Variants in ZMYND11 observed in about 807,000 individuals in gnomAD.
ZMYND11 encodes the protein zinc finger MYND-type containing 11, also known as zinc finger MYND domain-containing protein 11.
A neutral mutation model predicts 84.9 loss-of-function variants in ZMYND11; 9 were observed. The ratio of observed to expected loss-of-function variants is 0.11; its 90% CI spans 0.06 to 0.18. The LOEUF (loss-of-function observed/expected upper bound fraction) is 0.18. ZMYND11 is among the 10% of genes least tolerant of loss of function. The pLI is 1.00. For synonymous variants in ZMYND11, 250 were observed against 244.1 expected, an observed-to-expected ratio of 1.02 and a Z score of -0.23; for missense variants, 409 against 761.0, an observed-to-expected ratio of 0.54 and a Z score of 5.44.
chr10:224,662 T>A (rs1244782429), intron 4 of ZMYND11, among the ~76,000 whole-genome samples: 1 of 152,218 alleles, frequency 6.6e-6, no homozygotes, highest in East Asian at 1.9e-4. Context: ...TTTGTTTGTA[T>A]CTGTATCCAC....
chr10:194,241 C>T (rs1168894963), intron 2 of ZMYND11, among the ~76,000 whole-genome samples: 1 of 150,786 alleles, frequency 6.6e-6, no homozygotes, highest in Non-Finnish European at 1.5e-5. Context: ...CTACCCACCT[C>T]AGCCTCCCAA....
At position 135,524 on chromosome 10, in the gene ZMYND11, C is replaced by T. The variant is rs1291232062; in HGVS notation, c.-55C>T. Reference sequence around the variant, plus strand: ...CGGCACCGGAGGGGAGGGCCGGGCGCGGCGGCGGCGGCGGTGGAGGAGCCG... The same window carrying T: ...CGGCACCGGAGGGGAGGGCCGGGCGTGGCGGCGGCGGCGGTGGAGGAGCCG... On this transcript the variant is annotated 5_prime_UTR_variant, in exon 1 of 15. Transcript: ENST00000381604. This position sits in a 1 kb window ranked among gnomAD's most constrained non-coding sequence, Gnocchi z 5.6. 31 of 150,938 alleles carry T rather than the reference C, an allele frequency of 2.1e-4. No individual in the cohort carries two copies. The highest frequency in any genetic ancestry group is 3.5e-3 in the Middle Eastern group (1 of 282). The allele number at this position is 150,938 out of a possible 1,614,324, so 9.3% of individuals were successfully genotyped here.
intron 1 of ZMYND11, among the ~76,000 whole-genome samples, chr10:168,349 A>T (rs1306251897): frequency 6.6e-6 from 1 of 152,094 alleles, no homozygotes; most frequent in Non-Finnish European, 1.5e-5. Flanking sequence ...GCATGGTGGT[A>T]TGTGTACCTG....
At chr10:206,837 T>C (rs943350513) in intron 2 of ZMYND11, among the ~76,000 whole-genome samples, 3 of 152,088 alleles carry the variant, frequency 2.0e-5, no homozygotes, top group African/African-American at 7.2e-5. Context: ...TTTTTATTTT[T>C]TTAATTTTTT....
chr10:247,579 A>G, intron 12 of ZMYND11, 113 bp downstream of exon 12: 1 of 1,136,574 alleles, frequency 8.8e-7, no homozygotes, highest in South Asian at 1.4e-5. Context: ...GATACTTGTG[A>G]AATTCAGCTG....
chr10:205,360 G>C (rs1943936647), intron 2 of ZMYND11, among the ~76,000 whole-genome samples: 1 of 152,104 alleles, frequency 6.6e-6, no homozygotes. Flanking sequence ...CTGTGAATTA[G>C]ATTAGGTAAT....
intron 4 of ZMYND11, 112 bp downstream of exon 4, chr10:221,468 G>A: frequency 9.6e-7 from 1 of 1,041,148 alleles, no homozygotes; most frequent in Non-Finnish European, 1.4e-6. Flanking sequence ...AGGACTGGAG[G>A]GTGGGGGTTA....
rs191176775 is a variant in ZMYND11 at position 177,937 on chromosome 10, T to G, written c.-19-2057T>G. Among the ~76,000 whole-genome samples, 460 of 152,326 alleles carry G rather than the reference T, an allele frequency of 3.0e-3. No individual in the cohort carries two copies. In the Middle Eastern group the frequency reaches 0.031, roughly 10 times the overall value. ...TCCTTTGTGCTTTGGTTGTTATATA[T>G]TTTATTTCTACGTGTGTTATAAGCC... On this transcript the variant is annotated intron_variant, in intron 1 of 14. Coordinates refer to ENST00000381604, the MANE Select transcript of ZMYND11 (RefSeq NM_001370100.5).
At chr10:161,981 C>T (rs1843030430) in intron 1 of ZMYND11, among the ~76,000 whole-genome samples, 1 of 152,152 alleles carries the variant, frequency 6.6e-6, no homozygotes, top group East Asian at 1.9e-4. Context: ...CTTAAGAGGC[C>T]CAGCTTTCCG....
chr10:137,404 C>G (rs1480411138), intron 1 of ZMYND11, among the ~76,000 whole-genome samples: 1 of 152,160 alleles, frequency 6.6e-6, no homozygotes, highest in African/African-American at 2.4e-5. Flanking sequence ...CCACAGTAAG[C>G]TGAGTCATAT....
intron 1 of ZMYND11, among the ~76,000 whole-genome samples, chr10:169,484 G>A (rs1297684259): frequency 6.6e-6 from 1 of 152,092 alleles, no homozygotes; most frequent in Non-Finnish European, 1.5e-5. Flanking sequence ...CAGGAATGTT[G>A]GAATAATCAG....
chr10:214,072 GC>G (rs1475852241), intron 3 of ZMYND11, among the ~76,000 whole-genome samples: 1 of 152,066 alleles, frequency 6.6e-6, no homozygotes, highest in African/African-American at 2.4e-5. Context: ...CTTTTGGACT[GC>G]AGTTATTTTA....
intron 1 of ZMYND11, among the ~76,000 whole-genome samples, chr10:160,652 C>A (rs1272629804): frequency 6.6e-6 from 1 of 152,194 alleles, no homozygotes; most frequent in East Asian, 1.9e-4. Flanking sequence ...ATGGAATATT[C>A]TGAAACCTGT....
Position 242,036 on chromosome 10 carries a change from C to A in ZMYND11, c.847C>A (p.Leu283Met). 6.2e-7 allele frequency: 1 copy of A among 1,613,874 alleles called. No homozygotes were observed. The highest frequency in any genetic ancestry group is 8.5e-7 in the Non-Finnish European group (1 of 1,179,954). Residue 283 changes from leucine (L) to methionine (M), a missense_variant, in exon 10 of 15, where the codon CTG becomes ATG. Transcript: ENST00000381604. The stretch of plus-strand genomic sequence containing the variant: ...TAATTTCCAGATACCTAATCATGAG[C>A]TGGTTTGGGCTAAAATGAAAGGTTT... ...FCYPCIPNHE[L>M]VWAKMKGFGF...
At chr10:217,284 AG>A (rs768544744) in intron 3 of ZMYND11, among the ~76,000 whole-genome samples, 1 of 152,132 alleles carries the variant, frequency 6.6e-6, no homozygotes, top group African/African-American at 2.4e-5. Context: ...CTGTAATCCT[AG>A]CACTTTGGGC....
chr10:152,146 A>C (rs1466008135), intron 1 of ZMYND11, among the ~76,000 whole-genome samples: 1 of 152,226 alleles, frequency 6.6e-6, no homozygotes, highest in Non-Finnish European at 1.5e-5. Context: ...GCTAGGAAGA[A>C]ACTGCATTAA....
chr10:236,737 C>T, intron 4 of ZMYND11, 101 bp from the exon 5 acceptor site: 2 of 1,003,416 alleles, frequency 2.0e-6, no homozygotes, highest in Non-Finnish European at 2.9e-6. Context: ...TTAGTAAACT[C>T]TTTGCATACT....
intron 3 of ZMYND11, among the ~76,000 whole-genome samples, chr10:211,307 T>C (rs1356729862): frequency 6.6e-6 from 1 of 152,110 alleles, no homozygotes; most frequent in African/African-American, 2.4e-5. Flanking sequence ...TCTCTTTCTA[T>C]AGATTGAGTT....
intron 2 of ZMYND11, among the ~76,000 whole-genome samples, chr10:196,199 C>G (rs1238150491): frequency 6.6e-6 from 1 of 152,178 alleles, no homozygotes; most frequent in African/African-American, 2.4e-5. Flanking sequence ...TATCAAAATG[C>G]AAAGAATATC....
Sources: allele counts gnomAD v4.1 joint callset (sites outside exome capture counted in the v4.1 genomes callset), GRCh38; gene constraint gnomAD v4.1.1; non-coding constraint Gnocchi (gnomAD v3.1); transcripts MANE v1.5; gene names NCBI Gene and HGNC (gene_info 2026-07-23, HGNC 2026-07-21).